The following KCNJ16 variants were observed in gnomAD, a reference collection of about 807,000 sequenced individuals.
KCNJ16 encodes inward rectifier potassium channel 16.
In KCNJ16, 15 loss-of-function variants were observed where a neutral mutation model predicts 18.5. That is an observed-to-expected ratio of 0.81 (90% CI 0.54 to 1.25). The LOEUF (loss-of-function observed/expected upper bound fraction) is 1.25, where lower values mean the gene tolerates loss of function less well. KCNJ16 is among the 50% of genes most tolerant of loss of function. The pLI is 0.00. For missense variants in KCNJ16, 523 were observed against 525.7 expected (o/e 0.99, Z 0.05); for synonymous variants, 174 against 186.5 (o/e 0.93, Z 0.55).
chr17:70,124,725 C>T (rs1253939161), intron 2 of KCNJ16, among the ~76,000 whole-genome samples: 1 of 152,170 alleles, frequency 6.6e-6, no homozygotes, highest in African/African-American at 2.4e-5. Flanking sequence ...AACATGTACA[C>T]ACAATTTAAG....
At chr17:70,131,318 T>C (rs1442952594) in intron 3 of KCNJ16, 40 of 1,123,126 alleles carry the variant, frequency 3.6e-5, no homozygotes, top group Non-Finnish European at 4.1e-5. Flanking sequence ...CCACTGAGGT[T>C]AAGAAAGATG....
At chr17:70,088,232 G>C (rs4968795) in intron 1 of KCNJ16, among the ~76,000 whole-genome samples, 129,793 of 152,006 alleles carry the variant, frequency 0.85, 55,523 homozygotes, top group East Asian at 0.99. Context: ...ATGGAGGAGA[G>C]AGGGGATATG....
chr17:70,103,296 G>GTGTGTGTGTGTGTGTGTATATA (rs1408960241), intron 2 of KCNJ16, among the ~76,000 whole-genome samples: 14 of 72,052 alleles, frequency 1.9e-4, no homozygotes, highest in African/African-American at 4.4e-4. Context: ...ATGTGTGTGT[G>GTGTGTGTGTGTGTGTGTATATA]TATATATATA....
intron 1 of KCNJ16, among the ~76,000 whole-genome samples, chr17:70,083,969 CA>C (rs2143600636): frequency 6.6e-6 from 1 of 152,222 alleles, no homozygotes; most frequent in African/African-American, 2.4e-5. Flanking sequence ...AACTTCATAA[CA>C]GGGGTGGCCA....
In KCNJ16 at chr17:70,132,816, C is replaced by A. The variant is rs759703339; in HGVS notation, c.729C>A (p.Asp243Glu). ...TTAAAGACCTCAAATTAGTCAACGACCAAATCATCCTGGTCACCCCGGTAA... is the reference window on the plus strand; with the variant it reads ...TTAAAGACCTCAAATTAGTCAACGAACAAATCATCCTGGTCACCCCGGTAA... ...MAFKDLKLVN[D>E]QIILVTPVTI... is the part of the protein sequence containing the mutation. The change falls in exon 4 of 4, where the codon GAC becomes GAA. Residue 243 changes from aspartate (D) to glutamate (E), a missense_variant. Physicochemically the swap from Asp to Glu is conservative, Grantham distance 45 (BLOSUM62 2). Coordinates refer to ENST00000392671, the MANE Select transcript of KCNJ16 (RefSeq NM_170741.4). 7.4e-6 allele frequency: 12 copies of A among 1,613,868 alleles called. No individual in the cohort carries two copies. The highest frequency in any genetic ancestry group is 8.5e-7 in the Non-Finnish European group (1 of 1,180,042).
At position 70,104,424 on chromosome 17, in the gene KCNJ16, C is replaced by T. The variant is rs531902405; in HGVS notation, c.-191+3658C>T. On this transcript the variant is annotated intron_variant, in intron 2 of 3. Coordinates refer to ENST00000392671, the MANE Select transcript of KCNJ16 (RefSeq NM_170741.4). ...GGCTGATAGTCTTTCTGGGGGCATA[C>T]GCTTCCTTGAAACCCAAATGAAATG... Among the ~76,000 whole-genome samples, 91 of 152,322 alleles carry T rather than the reference C, an allele frequency of 6.0e-4. 1 individual carries two copies. The highest frequency in any genetic ancestry group is 1.8e-3 in the African/African-American group (73 of 41,572).
intron 1 of KCNJ16, among the ~76,000 whole-genome samples, chr17:70,077,096 T>C (rs774987570): frequency 2.6e-5 from 4 of 152,216 alleles, no homozygotes; most frequent in South Asian, 2.1e-4. Flanking sequence ...GGAACAGCCC[T>C]AAGGCTGAGG....
intron 2 of KCNJ16, among the ~76,000 whole-genome samples, chr17:70,125,378 A>C (rs1429856108): frequency 6.6e-6 from 1 of 152,166 alleles, no homozygotes; most frequent in African/African-American, 2.4e-5. Context: ...TTGTGGTAGG[A>C]AACAGTGGCA....
At chr17:70,117,442 A>G (rs1398511756) in intron 2 of KCNJ16, among the ~76,000 whole-genome samples, 1 of 152,176 alleles carries the variant, frequency 6.6e-6, no homozygotes, top group Non-Finnish European at 1.5e-5. Flanking sequence ...GGACCCCAGA[A>G]TTTAAAAGCT....
At position 70,086,181 on chromosome 17, in the gene KCNJ16, A is replaced by T. The variant is rs553456541; in HGVS notation, c.-300+10791A>T. ...GTTAGAAATACTGCTCTTGATATGG[A>T]AATACTTACAATGAGAATTTTTGTG... On this transcript the variant is annotated intron_variant, in intron 1 of 3. Coordinates refer to ENST00000392671, the MANE Select transcript of KCNJ16 (RefSeq NM_170741.4). 5.9e-5 allele frequency among the ~76,000 whole-genome samples: 9 copies of T among 152,320 alleles called. 1 individual carries two copies. The East Asian group carries it at 1.2e-3, about 20-fold the overall frequency.
At chr17:70,077,060 C>A (rs2071345224) in intron 1 of KCNJ16, among the ~76,000 whole-genome samples, 1 of 152,158 alleles carries the variant, frequency 6.6e-6, no homozygotes, top group Non-Finnish European at 1.5e-5. Context: ...ACGTAGAATC[C>A]TTGGAGAAGA....
At chr17:70,118,587 G>A (rs1402405487) in intron 2 of KCNJ16, among the ~76,000 whole-genome samples, 4 of 152,064 alleles carry the variant, frequency 2.6e-5, no homozygotes, top group Non-Finnish European at 4.4e-5. Flanking sequence ...ACATCACATG[G>A]TGAAAGCAGG....
At chr17:70,106,169 A>G (rs1049674877) in intron 2 of KCNJ16, among the ~76,000 whole-genome samples, 2 of 152,180 alleles carry the variant, frequency 1.3e-5, no homozygotes, top group African/African-American at 4.8e-5. Context: ...ATACCAAAAC[A>G]TGAGTCAGGA....
At chr17:70,126,936 A>C (rs1270824255) in intron 2 of KCNJ16, among the ~76,000 whole-genome samples, 2 of 152,056 alleles carry the variant, frequency 1.3e-5, no homozygotes, top group Non-Finnish European at 2.9e-5. Flanking sequence ...TTAAGGAAAA[A>C]CTGGGCTAGA....
chr17:70,110,775 C>G (rs7212694), intron 2 of KCNJ16, among the ~76,000 whole-genome samples: 23,092 of 152,120 alleles, frequency 0.15, 2,927 homozygotes, highest in African/African-American at 0.35. Context: ...GCCACGTAAT[C>G]CCACAACTGG....
At chr17:70,087,576 A>G (rs1204915791) in intron 1 of KCNJ16, among the ~76,000 whole-genome samples, 1 of 152,088 alleles carries the variant, frequency 6.6e-6, no homozygotes, top group African/African-American at 2.4e-5. Flanking sequence ...TTGTGGTGGC[A>G]GGCGCCTGTA....
intron 2 of KCNJ16, among the ~76,000 whole-genome samples, chr17:70,111,317 G>A (rs2144007873): frequency 6.6e-6 from 1 of 152,244 alleles, no homozygotes; most frequent in South Asian, 2.1e-4. Flanking sequence ...AGGATTATGG[G>A]AGAGTGACAC....
intron 2 of KCNJ16, among the ~76,000 whole-genome samples, chr17:70,108,680 T>TA (rs1390061378): frequency 1.3e-5 from 2 of 152,102 alleles, no homozygotes; most frequent in East Asian, 3.9e-4. Context: ...TATCTCCCAA[T>TA]AAACCAGCAT....
chr17:70,111,912 A>G (rs556921305), intron 2 of KCNJ16, among the ~76,000 whole-genome samples: 3 of 152,294 alleles, frequency 2.0e-5, no homozygotes, highest in Admixed American at 1.3e-4. Flanking sequence ...TTTTCTGTAT[A>G]TAAATTACCC....
Sources: gnomAD v4.1 joint callset for allele counts (sites outside exome capture counted in the v4.1 genomes callset) on GRCh38, gnomAD v4.1.1 for gene constraint, MANE v1.5 for transcripts, NCBI Gene and HGNC (gene_info 2026-07-23, HGNC 2026-07-21) for gene names.